SPEF2: variants seen among roughly 807,000 people sequenced by gnomAD.
SPEF2 encodes sperm flagella and cilia-associated protein 2.
SPEF2 carries 187 observed loss-of-function variants against 224.6 expected under a neutral mutation model. That is an observed-to-expected ratio of 0.83 (90% CI 0.74 to 0.94). The LOEUF is 0.94. Among genes scored for constraint, SPEF2 ranks in the 40% least tolerant of loss-of-function variants. SPEF2 has a pLI of 0.00. For missense variants in SPEF2, 2,170 were observed against 2,135.6 expected, an observed-to-expected ratio of 1.02 and a Z score of -0.32; for synonymous variants, 715 against 707.3, an observed-to-expected ratio of 1.01 and a Z score of -0.17.
intron 10 of SPEF2, among the ~76,000 whole-genome samples, chr5:35,672,051 T>A (rs1434023299): frequency 6.6e-6 from 1 of 151,566 alleles, no homozygotes; most frequent in Non-Finnish European, 1.5e-5. Context: ...AAGTAAAAAA[T>A]AAATGTTTCA....
chr5:35,722,689 C>T (rs6893605), intron 20 of SPEF2, among the ~76,000 whole-genome samples: 89,972 of 122,704 alleles, frequency 0.73, 33,436 homozygotes, highest in Middle Eastern at 0.83. Flanking sequence ...CCTGTGTCCA[C>T]GTGATCTCAT....
At chr5:35,796,019 T>C (rs749207400) in intron 33 of SPEF2, among the ~76,000 whole-genome samples, 3 of 152,234 alleles carry the variant, frequency 2.0e-5, no homozygotes, top group Non-Finnish European at 4.4e-5. Context: ...GTTAACTCTC[T>C]ATGTGATCCT....
chr5:35,776,495 A>G, intron 29 of SPEF2, 100 bp downstream of exon 29: 5 of 1,409,840 alleles, frequency 3.5e-6, no homozygotes, highest in Non-Finnish European at 4.8e-6. Context: ...GTTAGTTACA[A>G]ATATAAATTT....
chr5:35,668,650 A>G (rs1750847529), intron 9 of SPEF2, among the ~76,000 whole-genome samples: 1 of 152,154 alleles, frequency 6.6e-6, no homozygotes, highest in Non-Finnish European at 1.5e-5. Flanking sequence ...TACAATCAGG[A>G]GACACTGGGT....
chr5:35,702,228 G>T, intron 16 of SPEF2: 1 of 456,224 alleles, frequency 2.2e-6, no homozygotes, highest in South Asian at 1.5e-5. Flanking sequence ...AGTGCTCGGG[G>T]TCTATGGAGG....
chr5:35,734,025 G>A (rs1033680155), intron 21 of SPEF2, among the ~76,000 whole-genome samples: 4 of 152,166 alleles, frequency 2.6e-5, no homozygotes, highest in African/African-American at 9.7e-5. Context: ...AGTGTTCATT[G>A]TTTTAAGAAT....
At chr5:35,620,885 A>G (rs1743408487) in intron 1 of SPEF2, among the ~76,000 whole-genome samples, 1 of 152,202 alleles carries the variant, frequency 6.6e-6, no homozygotes, top group South Asian at 2.1e-4. Context: ...AAAGACATAT[A>G]CTGGACTATT....
At chr5:35,751,701 AT>A (rs1749682115) in intron 23 of SPEF2, among the ~76,000 whole-genome samples, 1 of 152,200 alleles carries the variant, frequency 6.6e-6, no homozygotes. Flanking sequence ...AAAGGTAAGA[AT>A]TCAAAAACAA....
rs145851157 is a variant in SPEF2 at position 35,692,842 on chromosome 5, A to C, written c.1899+118A>C. 5.0e-5 allele frequency: 43 copies of C among 856,124 alleles called. No individual in the cohort carries two copies. The East Asian group carries it at 1.1e-3, about 23-fold the overall frequency. 53.0% of individuals were successfully genotyped at this position (856,124 alleles called of 1,614,324 possible). A position where few individuals can be genotyped will look rare whatever the true frequency, so the allele number is the denominator to read the frequency against. On this transcript the variant is annotated intron_variant, in intron 12 of 36. Coordinates refer to ENST00000356031, the MANE Select transcript of SPEF2 (RefSeq NM_024867.4). The stretch of plus-strand genomic sequence containing the variant: ...TCTTCTGTACAGACCCAGAGAGTAA[A>C]AGTTTAGGTTCTGCAAAAGTCTAGA...
At chr5:35,684,274 C>T (rs1474551978) in intron 10 of SPEF2, among the ~76,000 whole-genome samples, 1 of 152,050 alleles carries the variant, frequency 6.6e-6, no homozygotes, top group Non-Finnish European at 1.5e-5. Flanking sequence ...TGATTTCATC[C>T]CCTTTGAGAT....
intron 6 of SPEF2, among the ~76,000 whole-genome samples, chr5:35,651,433 A>C (rs1244100510): frequency 6.6e-6 from 1 of 152,204 alleles, no homozygotes; most frequent in African/African-American, 2.4e-5. Flanking sequence ...TCCCTGGGCC[A>C]GTTACCTGTG....
chr5:35,680,225 G>T (rs1182919446), intron 10 of SPEF2, among the ~76,000 whole-genome samples: 1 of 152,144 alleles, frequency 6.6e-6, no homozygotes, highest in Non-Finnish European at 1.5e-5. Flanking sequence ...CAACAAAAAA[G>T]AAATGCCTTA....
intron 24 of SPEF2, among the ~76,000 whole-genome samples, chr5:35,758,416 G>A (rs921381732): frequency 2.0e-5 from 3 of 152,104 alleles, no homozygotes; most frequent in African/African-American, 7.2e-5. Context: ...GGGAGACCAG[G>A]TCGAAAAATA....
chr5:35,690,945 T>C, intron 10 of SPEF2, 92 bp from the exon 11 acceptor site: 1 of 950,742 alleles, frequency 1.1e-6, no homozygotes, highest in South Asian at 1.9e-5. Context: ...TTGTTGGCTA[T>C]AATTTGGATT....
chr5:35,736,785 A>G (rs1746681331), intron 21 of SPEF2, among the ~76,000 whole-genome samples: 1 of 152,100 alleles, frequency 6.6e-6, no homozygotes, highest in Admixed American at 6.5e-5. Flanking sequence ...GTGGAGAAGA[A>G]CTCTTTGGTG....
chr5:35,736,657 T>G (rs768841173), intron 21 of SPEF2, among the ~76,000 whole-genome samples: 1 of 152,202 alleles, frequency 6.6e-6, no homozygotes, highest in East Asian at 1.9e-4. Flanking sequence ...TAATTTGAGA[T>G]GAGATTTGGG....
intron 20 of SPEF2, among the ~76,000 whole-genome samples, chr5:35,721,554 G>T (rs10071844): frequency 0.039 from 5,971 of 152,204 alleles, 195 homozygotes; most frequent in African/African-American, 0.075. Context: ...AGCAAACCTT[G>T]CATCTGACCT....
chr5:35,629,093 A>G (rs56972594), intron 2 of SPEF2, among the ~76,000 whole-genome samples: 1 of 146,634 alleles, frequency 6.8e-6, no homozygotes, highest in South Asian at 2.2e-4. Flanking sequence ...GCAAGACCTC[A>G]TCTCTAAATG....
intron 34 of SPEF2, among the ~76,000 whole-genome samples, chr5:35,802,477 A>C (rs1757550888): frequency 6.6e-6 from 1 of 152,160 alleles, no homozygotes; most frequent in Non-Finnish European, 1.5e-5. Context: ...CAGGCAATAA[A>C]CAAATAAGCA....
Sources: gnomAD v4.1 joint callset for allele counts (sites outside exome capture counted in the v4.1 genomes callset) on GRCh38, gnomAD v4.1.1 for gene constraint, MANE v1.5 for transcripts, NCBI Gene and HGNC (gene_info 2026-07-23, HGNC 2026-07-21) for gene names.